The following CHRNA7 variants were observed in gnomAD, a reference collection of about 807,000 sequenced individuals.
CHRNA7 encodes the protein cholinergic receptor nicotinic alpha 7 subunit, also known as neuronal acetylcholine receptor subunit alpha-7.
In CHRNA7, 17 loss-of-function variants were observed where a neutral mutation model predicts 48.0. The ratio of observed to expected loss-of-function variants is 0.35; its 90% CI spans 0.24 to 0.53. The LOEUF is 0.53. CHRNA7 is among the 20% of genes least tolerant of loss of function. The pLI is 0.92. For synonymous variants in CHRNA7, 75 were observed against 242.3 expected (o/e 0.31, Z 6.41); for missense variants, 155 against 577.7 (o/e 0.27, Z 7.50).
intron 3 of CHRNA7, among the ~76,000 whole-genome samples, chr15:32,107,879 C>T (rs1245073678): frequency 6.6e-6 from 1 of 152,136 alleles, no homozygotes; most frequent in Non-Finnish European, 1.5e-5. Flanking sequence ...CCCTAAGTCA[C>T]CTCATCAGCG....
chr15:32,092,488 A>G (rs1185861675), intron 2 of CHRNA7, among the ~76,000 whole-genome samples: 2 of 152,096 alleles, frequency 1.3e-5, no homozygotes, highest in Non-Finnish European at 2.9e-5. Context: ...ATTTATGTAT[A>G]TATTTAATCA....
In CHRNA7 at chr15:32,107,352, C is replaced by T. The variant is rs182438469; in HGVS notation, c.241-4438C>T. Among the ~76,000 whole-genome samples, 589 of 152,050 alleles carry T rather than the reference C, an allele frequency of 3.9e-3. 4 individuals carry two copies. The highest frequency in any genetic ancestry group is 0.014 in the African/African-American group (569 of 41,476). On this transcript the variant is annotated intron_variant, in intron 3 of 9. Coordinates refer to ENST00000306901, the MANE Select transcript of CHRNA7 (RefSeq NM_000746.6). ...AATTCGAGGGTTCCCATACCCTTCT[C>T]CCCCAGGTTCAATAACTTTCTAAGA... is the stretch of plus-strand genomic sequence containing the variant.
chr15:32,038,760 T>G (rs2049396331), intron 2 of CHRNA7, among the ~76,000 whole-genome samples: 1 of 152,212 alleles, frequency 6.6e-6, no homozygotes, highest in African/African-American at 2.4e-5. Flanking sequence ...GCCATTTGTA[T>G]TAGGGTAATG....
intron 4 of CHRNA7, among the ~76,000 whole-genome samples, chr15:32,126,830 C>T (rs2051074988): frequency 6.6e-6 from 1 of 152,080 alleles, no homozygotes; most frequent in Non-Finnish European, 1.5e-5. Context: ...AGCAGTAACA[C>T]CTTAAATAAC....
intron 2 of CHRNA7, among the ~76,000 whole-genome samples, chr15:32,075,350 T>C (rs1260505894): frequency 1.3e-5 from 2 of 152,150 alleles, no homozygotes; most frequent in African/African-American, 2.4e-5. Context: ...TTTTTAAGAG[T>C]TTTAAAATTA....
At chr15:32,112,555 A>C (rs1243491982) in intron 4 of CHRNA7, among the ~76,000 whole-genome samples, 1 of 152,222 alleles carries the variant, frequency 6.6e-6, no homozygotes, top group Non-Finnish European at 1.5e-5. Flanking sequence ...AAGCAGTAAA[A>C]TTTCTCGTTA....
In CHRNA7 at chr15:32,047,147, G is replaced by A. The variant is rs531970678; in HGVS notation, c.195+16110G>A. Among the ~76,000 whole-genome samples the A allele has an allele frequency of 2.3e-4, 30 of 131,258 alleles. 1 individual carries two copies. In the South Asian group the frequency reaches 6.1e-3, roughly 27 times the overall value. The allele number at this position is 131,258 out of a possible 152,430, so 86.1% of individuals were successfully genotyped here. On this transcript the variant is annotated intron_variant, in intron 2 of 9. Transcript: ENST00000306901. ...TCTTTTGGCTTAGGATTGACTTGGTGATGCGGGCTCTTTTTTGGTTCCATA... is the reference window on the plus strand; with the variant it reads ...TCTTTTGGCTTAGGATTGACTTGGTAATGCGGGCTCTTTTTTGGTTCCATA...
At chr15:32,091,781 A>G (rs2141246901) in intron 2 of CHRNA7, among the ~76,000 whole-genome samples, 1 of 152,336 alleles carries the variant, frequency 6.6e-6, no homozygotes, top group South Asian at 2.1e-4. Context: ...CTATGGTGTC[A>G]GCTCACGTAC....
chr15:32,149,014 G>A lies in CHRNA7; in HGVS notation c.351-4893G>A, dbSNP rs141419842. 6.6e-6 allele frequency among the ~76,000 whole-genome samples: 1 copy of A among 152,284 alleles called. No individual in the cohort carries two copies. The highest frequency in any genetic ancestry group is 2.4e-5 in the African/African-American group (1 of 41,566). On this transcript the variant is annotated intron_variant, in intron 4 of 9. Transcript: ENST00000306901. This position sits in a 1 kb window ranked among gnomAD's most constrained non-coding sequence, Gnocchi z 4.6. ...ATTTGCCCCAGTCACCCCCTCCGTG[G>A]TGAGGGTAGGGCTCAGAGCTCTCCT...
chr15:32,035,543 G>T (rs1359620494), intron 2 of CHRNA7, among the ~76,000 whole-genome samples: 2 of 152,220 alleles, frequency 1.3e-5, no homozygotes, highest in African/African-American at 4.8e-5. Context: ...TTTTGGCACT[G>T]AAGATGGCAG....
intron 4 of CHRNA7, among the ~76,000 whole-genome samples, chr15:32,138,619 G>T (rs959600412): frequency 6.6e-6 from 1 of 152,034 alleles, no homozygotes; most frequent in African/African-American, 2.4e-5. Context: ...ATAATGACCT[G>T]TATCGACCAT....
At chr15:32,044,359 C>A (rs2049502655) in intron 2 of CHRNA7, among the ~76,000 whole-genome samples, 1 of 151,814 alleles carries the variant, frequency 6.6e-6, no homozygotes, top group South Asian at 2.1e-4. Context: ...CTCACTACAA[C>A]CTCTGCCACC....
chr15:32,091,891 A>T (rs904387468), intron 2 of CHRNA7, among the ~76,000 whole-genome samples: 1 of 152,152 alleles, frequency 6.6e-6, no homozygotes, highest in African/African-American at 2.4e-5. Flanking sequence ...ATTTAAAAAG[A>T]CATTTGTTTG....
chr15:32,085,611 G>A (rs2050283270), intron 2 of CHRNA7, among the ~76,000 whole-genome samples: 6 of 152,158 alleles, frequency 3.9e-5, no homozygotes, highest in Admixed American at 3.3e-4. Flanking sequence ...AAAAGAGTTT[G>A]TATTTAAAAG....
rs1303191876 is a variant in CHRNA7 at position 32,031,156 on chromosome 15, G to A, written c.195+119G>A. On this transcript the variant is annotated intron_variant, in intron 2 of 9. Transcript: ENST00000306901. ...GCTGGGGCACTCTAGTTGGCCCCAA[G>A]CTAGGCAGGGCCATGCTCTGAGTCT... The A allele has an allele frequency of 2.6e-6, 3 of 1,169,400 alleles. No individual in the cohort carries two copies. In the African/African-American group the frequency reaches 4.6e-5, roughly 18 times the overall value. The allele number at this position is 1,169,400 out of a possible 1,614,324, so 72.4% of individuals were successfully genotyped here. A position where few individuals can be genotyped will look rare whatever the true frequency, so the allele number is the denominator to read the frequency against.
chr15:32,139,070 C>T (rs532263606), intron 4 of CHRNA7, among the ~76,000 whole-genome samples: 9 of 152,236 alleles, frequency 5.9e-5, no homozygotes, highest in African/African-American at 2.2e-4. Context: ...GTTTTGCTGT[C>T]TCCATTGCTT....
intron 2 of CHRNA7, among the ~76,000 whole-genome samples, chr15:32,094,938 G>A (rs1291513433): frequency 5.3e-5 from 8 of 152,304 alleles, no homozygotes; most frequent in Middle Eastern, 6.8e-3. Context: ...GTGAGCCACC[G>A]CACCCAGCTC....
intron 2 of CHRNA7, among the ~76,000 whole-genome samples, chr15:32,044,533 C>T (rs1334845180): frequency 1.3e-5 from 2 of 152,198 alleles, no homozygotes; most frequent in Non-Finnish European, 2.9e-5. Context: ...GCCTCAGCCT[C>T]CCAAAGTGCT....
chr15:32,095,042 G>C (rs367870508), intron 2 of CHRNA7, among the ~76,000 whole-genome samples: 4 of 152,368 alleles, frequency 2.6e-5, no homozygotes, highest in African/African-American at 9.6e-5. Context: ...ACAAATAAGG[G>C]AACTGAGTCT....
Sources: allele counts gnomAD v4.1 joint callset (sites outside exome capture counted in the v4.1 genomes callset), GRCh38; gene constraint gnomAD v4.1.1; non-coding constraint Gnocchi (gnomAD v3.1); transcripts MANE v1.5; gene names NCBI Gene and HGNC (gene_info 2026-07-23, HGNC 2026-07-21).